TOP1: variants seen among roughly 807,000 people sequenced by gnomAD.
The protein encoded by TOP1 is DNA topoisomerase I.
TOP1 carries 10 observed loss-of-function variants against 111.1 expected under a neutral mutation model. The observed-to-expected ratio is 0.09, with a 90% CI of 0.06 to 0.15. The LOEUF is 0.15. Among genes scored for constraint, TOP1 ranks in the 10% least tolerant of loss-of-function variants. The pLI is 1.00. For missense variants in TOP1, 474 were observed against 926.7 expected, an observed-to-expected ratio of 0.51 and a Z score of 6.34; for synonymous variants, 271 against 302.9, an observed-to-expected ratio of 0.89 and a Z score of 1.10.
rs148653705 is a variant in TOP1 at position 41,071,637 on chromosome 20, G to A, written c.156-4534G>A. ...TAGGATTACAGGCATGAGCCACCAC[G>A]CCCAGCCAGATTATTTTTTCTTTAG... On this transcript the variant is annotated intron_variant, in intron 3 of 20. Transcript: ENST00000361337. This position sits in a 1 kb window ranked among gnomAD's most constrained non-coding sequence, Gnocchi z 4.3. 3.5e-4 allele frequency among the ~76,000 whole-genome samples: 53 copies of A among 152,276 alleles called. No homozygotes were observed. Among genetic ancestry groups the A allele is most frequent in the Non-Finnish European group, 6.2e-4 (42 of 68,008 alleles).
rs930063301 is a variant in TOP1 at position 41,110,058 on chromosome 20, G to C, written c.1309-2724G>C. On this transcript the variant is annotated intron_variant, in intron 13 of 20. Coordinates refer to ENST00000361337, the MANE Select transcript of TOP1 (RefSeq NM_003286.4). This position sits in a 1 kb window ranked among gnomAD's most constrained non-coding sequence, Gnocchi z 4.2. ...TCCAAGCACTCTGGGAGGCCAAGGC[G>C]GGTGGATCACTTCAGGTCAGGAGTT... Among the ~76,000 whole-genome samples the C allele has an allele frequency of 6.6e-6, 1 of 152,180 alleles. No homozygotes were observed. The highest frequency in any genetic ancestry group is 6.5e-5 in the Admixed American group (1 of 15,276).
In TOP1 at chr20:41,082,761, C is replaced by T. The variant is rs6029539; in HGVS notation, c.507+1521C>T. ...AAATGTTAAGTAGTGATTATGGTAG[C>T]CAATCACTCCACTTGCATATACCAA... On this transcript the variant is annotated intron_variant, in intron 7 of 20. Coordinates refer to ENST00000361337, the MANE Select transcript of TOP1 (RefSeq NM_003286.4). This position sits in a 1 kb window ranked among gnomAD's most constrained non-coding sequence, Gnocchi z 4.1. 7.8e-3 allele frequency among the ~76,000 whole-genome samples: 1,182 copies of T among 151,876 alleles called. 10 individuals carry two copies. Among genetic ancestry groups the T allele is most frequent in the African/African-American group, 0.027 (1,119 of 41,448 alleles).
rs1441284392 is a variant in TOP1, at chr20:41,097,531, G to C, written c.852+190G>C. Among the ~76,000 whole-genome samples the C allele has an allele frequency of 6.6e-6, 1 of 152,156 alleles. No homozygotes were observed. The highest frequency in any genetic ancestry group is 1.5e-5 in the Non-Finnish European group (1 of 68,042). On this transcript the variant is annotated intron_variant, in intron 10 of 20. Coordinates refer to ENST00000361337, the MANE Select transcript of TOP1 (RefSeq NM_003286.4). The surrounding 1 kb of genome is among the most constrained non-coding windows in gnomAD (Gnocchi z 4.2). Reference sequence around the variant, plus strand: ...GGGTTTCTGTCCAACAAGAGTACTTGTATATCTTTGCTATTGGCTCTCATG... The same window carrying C: ...GGGTTTCTGTCCAACAAGAGTACTTCTATATCTTTGCTATTGGCTCTCATG...
chr20:41,072,773 T>C, intron 3 of TOP1: 1 of 985,418 alleles, frequency 1.0e-6, no homozygotes, highest in Non-Finnish European at 1.2e-6. Context: ...CTGGTGGAGC[T>C]CTATAAACCC....
At position 41,094,732 on chromosome 20, in the gene TOP1, G is replaced by A. The variant is rs190398285; in HGVS notation, c.730+2145G>A. 1.1e-4 allele frequency among the ~76,000 whole-genome samples: 16 copies of A among 152,308 alleles called. No homozygotes were observed. Among genetic ancestry groups the A allele is most frequent in the African/African-American group, 3.4e-4 (14 of 41,558 alleles). ...CAGTAAGTGCTGCCTACTCTCTGGGGAGGAGAATTCTTAGACTCCTTTAGA... is the reference window on the plus strand; with the variant it reads ...CAGTAAGTGCTGCCTACTCTCTGGGAAGGAGAATTCTTAGACTCCTTTAGA... On this transcript the variant is annotated intron_variant, in intron 9 of 20. Transcript: ENST00000361337. This position sits in a 1 kb window ranked among gnomAD's most constrained non-coding sequence, Gnocchi z 4.4.
intron 3 of TOP1, among the ~76,000 whole-genome samples, chr20:41,075,633 G>T (rs1357000445): frequency 6.6e-6 from 1 of 152,136 alleles, no homozygotes; most frequent in Non-Finnish European, 1.5e-5. Flanking sequence ...CTTGCTTTCA[G>T]ATGGGTCTTT....
In TOP1 at chr20:41,080,334, A is replaced by C. The variant is rs543964220; in HGVS notation, c.431+154A>C. On this transcript the variant is annotated intron_variant, in intron 6 of 20. Coordinates refer to ENST00000361337, the MANE Select transcript of TOP1 (RefSeq NM_003286.4). The surrounding 1 kb of genome is among the most constrained non-coding windows in gnomAD (Gnocchi z 5.0). ...ATTAATGGACTGATTTCTCTGAACT[A>C]TGAGAAGTAGAGTTTGCTAAACAAG... 6.6e-6 allele frequency among the ~76,000 whole-genome samples: 1 copy of C among 152,214 alleles called. No individual in the cohort carries two copies. The highest frequency in any genetic ancestry group is 2.4e-5 in the African/African-American group (1 of 41,458).
At position 41,121,925 on chromosome 20, in the gene TOP1, G is replaced by A; in HGVS notation, c.2046-81G>A. 6.4e-7 allele frequency: 1 copy of A among 1,574,018 alleles called. No individual in the cohort carries two copies. Among genetic ancestry groups the A allele is most frequent in the Non-Finnish European group, 8.7e-7 (1 of 1,155,614 alleles). ...AAATCTCTATACTAGGGCTTTTATT[G>A]ACTCAAAGTGGCAGGATGGGTACAG... On this transcript the variant is annotated intron_variant, in intron 19 of 20. Coordinates refer to ENST00000361337, the MANE Select transcript of TOP1 (RefSeq NM_003286.4). The surrounding 1 kb of genome is among the most constrained non-coding windows in gnomAD (Gnocchi z 4.2).
chr20:41,116,217 G>T lies in TOP1; in HGVS notation c.1708-61G>T. On this transcript the variant is annotated intron_variant, in intron 16 of 20. Transcript: ENST00000361337. This position sits in a 1 kb window ranked among gnomAD's most constrained non-coding sequence, Gnocchi z 5.6. Reference sequence around the variant, plus strand: ...CTGCACTGGCATAAATTACTCCTAGGGCTGCCAGAAGGAGCAGGTAGTATA... The same window carrying T: ...CTGCACTGGCATAAATTACTCCTAGTGCTGCCAGAAGGAGCAGGTAGTATA... 9.1e-7 allele frequency: 1 copy of T among 1,093,894 alleles called. No individual in the cohort carries two copies. The highest frequency in any genetic ancestry group is 1.4e-6 in the Non-Finnish European group (1 of 717,060). The allele number at this position is 1,093,894 out of a possible 1,614,324, so 67.8% of individuals were successfully genotyped here.
intron 2 of TOP1, among the ~76,000 whole-genome samples, chr20:41,037,606 T>C (rs904887906): frequency 3.3e-5 from 5 of 152,364 alleles, no homozygotes; most frequent in East Asian, 1.9e-4. Flanking sequence ...TTAACAGTTA[T>C]GCGTGAGTAT....
rs2033768704 is a variant in TOP1 at position 41,079,849 on chromosome 20, A to C, written c.336-236A>C. ...TAGTGAGAAAGAATTCTGACTTAGAATAAAGAGTCTTGATCCCAAATCCTG... is the reference window on the plus strand; with the variant it reads ...TAGTGAGAAAGAATTCTGACTTAGACTAAAGAGTCTTGATCCCAAATCCTG... On this transcript the variant is annotated intron_variant, in intron 5 of 20. Transcript: ENST00000361337. The surrounding 1 kb of genome is among the most constrained non-coding windows in gnomAD (Gnocchi z 4.0). Among the ~76,000 whole-genome samples the C allele has an allele frequency of 6.6e-6, 1 of 152,246 alleles. No individual in the cohort carries two copies. The highest frequency in any genetic ancestry group is 2.4e-5 in the African/African-American group (1 of 41,464).
chr20:41,053,229 G>A (rs1490833111), intron 2 of TOP1, among the ~76,000 whole-genome samples: 1 of 152,090 alleles, frequency 6.6e-6, no homozygotes, highest in Non-Finnish European at 1.5e-5. Context: ...CACCAAGAAT[G>A]CCCTTTCACC....
chr20:41,029,009 C>A lies in TOP1; in HGVS notation c.-59C>A. 1.3e-6 allele frequency: 2 copies of A among 1,492,954 alleles called. No homozygotes were observed. Among genetic ancestry groups the A allele is most frequent in the Non-Finnish European group, 1.8e-6 (2 of 1,109,724 alleles). 92.5% of individuals were successfully genotyped at this position (1,492,954 alleles called of 1,614,324 possible). On this transcript the variant is annotated 5_prime_UTR_variant, in exon 1 of 21. Transcript: ENST00000361337. The surrounding 1 kb of genome is among the most constrained non-coding windows in gnomAD (Gnocchi z 6.1). ...CCGTCCGCCCGCACAGGCCGGTTCG[C>A]CGTCTGCGTCTCCCCCACGCCGCCT...
rs1179078574 is a variant in TOP1, at chr20:41,046,766, A to G, written c.59-14628A>G. On this transcript the variant is annotated intron_variant, in intron 2 of 20. Transcript: ENST00000361337. The surrounding 1 kb of genome is among the most constrained non-coding windows in gnomAD (Gnocchi z 4.3). ...GTCTGCTTATTTACTAAGGAATTTC[A>G]TCAGAGGTGGTTAGCATTTTGTGAA... Among the ~76,000 whole-genome samples the G allele has an allele frequency of 6.6e-6, 1 of 152,246 alleles. No homozygotes were observed. The highest frequency in any genetic ancestry group is 1.5e-5 in the Non-Finnish European group (1 of 68,040).
chr20:41,030,123 C>A lies in TOP1; in HGVS notation c.58+668C>A, dbSNP rs1020804830. ...CTTTATATTTCCAGGTTGTTTTTCC[C>A]AAGTTACGTTCTTTGCAAAGGTAGC... is the stretch of plus-strand genomic sequence containing the variant. On this transcript the variant is annotated intron_variant, in intron 2 of 20. Transcript: ENST00000361337. This position sits in a 1 kb window ranked among gnomAD's most constrained non-coding sequence, Gnocchi z 4.1. Among the ~76,000 whole-genome samples the A allele has an allele frequency of 6.6e-6, 1 of 152,012 alleles. No homozygotes were observed. Among genetic ancestry groups the A allele is most frequent in the African/African-American group, 2.4e-5 (1 of 41,390 alleles).
intron 8 of TOP1, among the ~76,000 whole-genome samples, chr20:41,087,884 G>C (rs2033866834): frequency 6.6e-6 from 1 of 151,642 alleles, no homozygotes; most frequent in Non-Finnish European, 1.5e-5. Flanking sequence ...TTCAAGTCAA[G>C]CTGCCAAAGG....
Position 41,106,221 on chromosome 20 carries a change from C to G in TOP1, c.1308+4868C>G, listed in dbSNP as rs1175385805. Among the ~76,000 whole-genome samples the G allele has an allele frequency of 3.3e-5, 5 of 152,166 alleles. No individual in the cohort carries two copies. Among genetic ancestry groups the G allele is most frequent in the Non-Finnish European group, 7.3e-5 (5 of 68,032 alleles). On this transcript the variant is annotated intron_variant, in intron 13 of 20. Transcript: ENST00000361337. The surrounding 1 kb of genome is among the most constrained non-coding windows in gnomAD (Gnocchi z 4.3). ...AGACTGTTTCTGGGCTGTCTGTCCTCTTTAATTAGTTCGTGTATCTGTTTC... is the reference window on the plus strand; with the variant it reads ...AGACTGTTTCTGGGCTGTCTGTCCTGTTTAATTAGTTCGTGTATCTGTTTC...
intron 2 of TOP1, among the ~76,000 whole-genome samples, chr20:41,036,832 C>CTTTTTTT (rs56013409): frequency 2.3e-5 from 3 of 128,228 alleles, no homozygotes; most frequent in Non-Finnish European, 4.8e-5. Context: ...TCCTACTTTT[C>CTTTTTTT]TTTTTTTTTT....
intron 2 of TOP1, among the ~76,000 whole-genome samples, chr20:41,047,187 G>A (rs1449721901): frequency 6.6e-6 from 1 of 152,188 alleles, no homozygotes. Flanking sequence ...TGTGGTCCAC[G>A]AACTAAGAAT....
Sources: allele counts gnomAD v4.1 joint callset (sites outside exome capture counted in the v4.1 genomes callset), GRCh38; gene constraint gnomAD v4.1.1; non-coding constraint Gnocchi (gnomAD v3.1); transcripts MANE v1.5; gene names NCBI Gene and HGNC (gene_info 2026-07-23, HGNC 2026-07-21).